The following NDUFAF2 variants were observed in gnomAD, a reference collection of about 807,000 sequenced individuals.
The protein encoded by NDUFAF2 is NADH dehydrogenase [ubiquinone] 1 alpha subcomplex assembly factor 2.
Under a neutral mutation model 22.8 loss-of-function variants are expected in NDUFAF2, and 13 were observed. The ratio of observed to expected loss-of-function variants is 0.57; its 90% CI spans 0.37 to 0.91. NDUFAF2 has a LOEUF of 0.91. NDUFAF2 is among the 40% of genes least tolerant of loss of function. The probability of loss-of-function intolerance (pLI) is 0.01; values close to 1 mark genes in which losing one functional copy is unlikely to be tolerated. For synonymous variants in NDUFAF2, 53 were observed against 64.2 expected (o/e 0.83, Z 0.84); for missense variants, 162 against 195.2 (o/e 0.83, Z 1.01).
intron 2 of NDUFAF2, chr5:61,083,451 G>T (rs1479472269): frequency 6.6e-6 from 1 of 152,130 alleles, no homozygotes; most frequent in Non-Finnish European, 1.5e-5. Flanking sequence ...TGCCTCCTGG[G>T]TTCAAGCAAT....
intron 3 of NDUFAF2, among the ~76,000 whole-genome samples, chr5:61,134,003 T>C (rs1419148228): frequency 6.6e-6 from 1 of 152,222 alleles, no homozygotes; most frequent in East Asian, 1.9e-4. Context: ...CTATTTGTAA[T>C]AGTAGTAGTA....
At chr5:60,966,328 TTACTC>T (rs1750758263) in intron 1 of NDUFAF2, among the ~76,000 whole-genome samples, 1 of 152,186 alleles carries the variant, frequency 6.6e-6, no homozygotes, top group African/African-American at 2.4e-5. Context: ...GGTTGTGTCT[TTACTC>T]TGTTGATTAT....
At chr5:60,954,401 C>T (rs902839268) in intron 1 of NDUFAF2, among the ~76,000 whole-genome samples, 13 of 152,084 alleles carry the variant, frequency 8.5e-5, no homozygotes, top group Admixed American at 8.5e-4. Flanking sequence ...CCTATTAGAG[C>T]ACAATAGGTA....
At chr5:60,992,348 G>T (rs1189327855) in intron 1 of NDUFAF2, among the ~76,000 whole-genome samples, 2 of 152,096 alleles carry the variant, frequency 1.3e-5, no homozygotes, top group Non-Finnish European at 2.9e-5. Flanking sequence ...CTGTGCTTGT[G>T]GGGTATTACT....
chr5:61,107,955 T>G (rs1487083462), intron 3 of NDUFAF2, among the ~76,000 whole-genome samples: 1 of 150,812 alleles, frequency 6.6e-6, no homozygotes, highest in Admixed American at 6.6e-5. Flanking sequence ...CTGAGAATGA[T>G]GATTTCCAAT....
chr5:61,141,405 G>A (rs1462536032), intron 3 of NDUFAF2, among the ~76,000 whole-genome samples: 2 of 152,010 alleles, frequency 1.3e-5, no homozygotes, highest in African/African-American at 2.4e-5. Flanking sequence ...GGTAAAAGTT[G>A]TGTCTTTTAA....
intron 3 of NDUFAF2, among the ~76,000 whole-genome samples, chr5:61,103,099 T>C (rs1488326844): frequency 1.3e-5 from 2 of 152,154 alleles, no homozygotes; most frequent in African/African-American, 4.8e-5. Flanking sequence ...CCCGGCCACC[T>C]TGAAAACTGA....
intron 1 of NDUFAF2, among the ~76,000 whole-genome samples, chr5:61,064,573 G>C (rs568763255): frequency 6.6e-5 from 10 of 151,898 alleles, no homozygotes; most frequent in Non-Finnish European, 1.0e-4. Flanking sequence ...ATCAGTAGCA[G>C]GAGGAACCTT....
intron 3 of NDUFAF2, among the ~76,000 whole-genome samples, chr5:61,111,981 A>G (rs780324840): frequency 2.0e-5 from 3 of 150,320 alleles, no homozygotes; most frequent in Admixed American, 6.6e-5. Flanking sequence ...CTGGTCTTGA[A>G]CTCTTGAGTT....
intron 2 of NDUFAF2, among the ~76,000 whole-genome samples, chr5:61,091,778 A>G (rs1190538269): frequency 2.0e-5 from 3 of 152,030 alleles, no homozygotes; most frequent in South Asian, 2.1e-4. Flanking sequence ...GCCCATTTCT[A>G]TATGCTCAGT....
At chr5:60,954,622 T>A (rs183905583) in intron 1 of NDUFAF2, among the ~76,000 whole-genome samples, 3 of 152,266 alleles carry the variant, frequency 2.0e-5, no homozygotes, top group Admixed American at 2.0e-4. Context: ...TCCTTTCATG[T>A]GTTAATTTTG....
chr5:60,981,696 A>G (rs1750979798), intron 1 of NDUFAF2, among the ~76,000 whole-genome samples: 1 of 152,196 alleles, frequency 6.6e-6, no homozygotes, highest in Non-Finnish European at 1.5e-5. Flanking sequence ...GAGACAGTGT[A>G]AAGTTTTTAT....
intron 1 of NDUFAF2, among the ~76,000 whole-genome samples, chr5:60,978,966 C>A (rs1043995880): frequency 3.3e-5 from 5 of 152,192 alleles, no homozygotes; most frequent in South Asian, 2.1e-4. Flanking sequence ...AACTTGGATA[C>A]CAACTCAGCC....
chr5:60,955,504 C>T (rs958189397), intron 1 of NDUFAF2, among the ~76,000 whole-genome samples: 5 of 152,080 alleles, frequency 3.3e-5, no homozygotes, highest in East Asian at 1.9e-4. Context: ...CAGTGTGATG[C>T]GTCCAGATTT....
intron 1 of NDUFAF2, among the ~76,000 whole-genome samples, chr5:60,976,488 G>T (rs1349126496): frequency 6.6e-6 from 1 of 152,118 alleles, no homozygotes; most frequent in East Asian, 1.9e-4. Flanking sequence ...TATTTTGTCA[G>T]TGTTTTTTAA....
At chr5:60,966,050 A>C (rs1217666446) in intron 1 of NDUFAF2, among the ~76,000 whole-genome samples, 3 of 151,620 alleles carry the variant, frequency 2.0e-5, no homozygotes, top group African/African-American at 7.3e-5. Context: ...TGTCTTTTTG[A>C]TACTAGCCAT....
chr5:61,139,013 T>C (rs1485077409), intron 3 of NDUFAF2, among the ~76,000 whole-genome samples: 1 of 152,198 alleles, frequency 6.6e-6, no homozygotes, highest in Non-Finnish European at 1.5e-5. Context: ...ATGTAGACAA[T>C]ATTTAAACTT....
intron 1 of NDUFAF2, among the ~76,000 whole-genome samples, chr5:61,024,741 G>A (rs1185380117): frequency 1.3e-5 from 2 of 151,858 alleles, no homozygotes; most frequent in South Asian, 2.1e-4. Flanking sequence ...TTATACCTCT[G>A]CTTAAAATAT....
chr5:60,978,661 TG>T (rs1750935357), intron 1 of NDUFAF2, among the ~76,000 whole-genome samples: 1 of 152,106 alleles, frequency 6.6e-6, no homozygotes, highest in African/African-American at 2.4e-5. Context: ...TCTCCAACAT[TG>T]GGGATTACAA....
Sources: gnomAD v4.1 joint callset for allele counts (sites outside exome capture counted in the v4.1 genomes callset) on GRCh38, gnomAD v4.1.1 for gene constraint, MANE v1.5 for transcripts, NCBI Gene and HGNC (gene_info 2026-07-23, HGNC 2026-07-21) for gene names.